The following BCKDHB variants were observed in gnomAD, a reference collection of about 807,000 sequenced individuals.
The protein encoded by BCKDHB is 2-oxoisovalerate dehydrogenase subunit beta, mitochondrial.
BCKDHB carries 41 observed loss-of-function variants against 48.5 expected under a neutral mutation model. The observed-to-expected ratio is 0.85, with a 90% CI of 0.66 to 1.10. The LOEUF is 1.10. Ranked by LOEUF, BCKDHB falls within the 50% of genes least tolerant of loss-of-function variation. The pLI is 0.00. For synonymous variants in BCKDHB, 201 were observed against 174.8 expected, an observed-to-expected ratio of 1.15 and a Z score of -1.18; for missense variants, 496 against 494.2, an observed-to-expected ratio of 1.00 and a Z score of -0.03.
At chr6:80,285,972 A>G (rs1337887322) in intron 9 of BCKDHB, among the ~76,000 whole-genome samples, 1 of 151,964 alleles carries the variant, frequency 6.6e-6, no homozygotes, top group Admixed American at 6.6e-5. Context: ...GTGTGTGTGT[A>G]GTAAGAGATG....
chr6:80,400,752 GACAC>G, the BCKDHB span, among the ~76,000 whole-genome samples: 1 of 152,098 alleles, frequency 6.6e-6, no homozygotes, highest in South Asian at 2.1e-4. Context: ...CTACCGTAAA[GACAC>G]ATGCATGCAT....
chr6:80,230,491 A>G (rs1194992570), intron 8 of BCKDHB, among the ~76,000 whole-genome samples: 6 of 152,208 alleles, frequency 3.9e-5, no homozygotes, highest in African/African-American at 1.2e-4. Flanking sequence ...GGGATTTGAC[A>G]TATGGAACAG....
rs1227661706 is a variant in BCKDHB, at chr6:80,197,490, AT to A, written c.743-3441del. On this transcript the variant is annotated intron_variant, in intron 6 of 9. Transcript: ENST00000320393. ...GAGGCCTTATTATTTGGGGTAATTT[AT>A]TTAAGACAATAGAGCAATTAATTGC... Among the ~76,000 whole-genome samples the A allele has an allele frequency of 1.3e-5, 2 of 152,080 alleles. 1 individual carries two copies. The highest frequency in any genetic ancestry group is 4.1e-4 in the South Asian group (2 of 4,824).
the BCKDHB span, among the ~76,000 whole-genome samples, chr6:80,403,849 C>A: frequency 6.6e-6 from 1 of 151,800 alleles, no homozygotes; most frequent in Non-Finnish European, 1.5e-5. Flanking sequence ...TGTTTCTTAT[C>A]CTTCATTCTG....
chr6:80,365,421 C>G, the BCKDHB span, among the ~76,000 whole-genome samples: 1 of 152,008 alleles, frequency 6.6e-6, no homozygotes, highest in Non-Finnish European at 1.5e-5. Flanking sequence ...GGTCTCCCCC[C>G]AGGAATGCAT....
chr6:80,346,716 A>C (rs1169169145), downstream of BCKDHB, among the ~76,000 whole-genome samples: 2 of 152,230 alleles, frequency 1.3e-5, no homozygotes, highest in African/African-American at 4.8e-5. Flanking sequence ...CAACAGTAGC[A>C]ACAACAGATG....
chr6:80,403,542 C>T, the BCKDHB span, among the ~76,000 whole-genome samples: 3 of 151,880 alleles, frequency 2.0e-5, no homozygotes, highest in Admixed American at 1.3e-4. Context: ...AGTTTCACTT[C>T]TTCTATTCTA....
intron 8 of BCKDHB, among the ~76,000 whole-genome samples, chr6:80,236,391 G>C (rs1331394406): frequency 2.6e-5 from 4 of 152,134 alleles, no homozygotes; most frequent in African/African-American, 7.2e-5. Flanking sequence ...AAAGTCCACT[G>C]TTTGGCTCTG....
At chr6:80,146,873 A>G (rs1222054142) in intron 3 of BCKDHB, among the ~76,000 whole-genome samples, 3 of 152,172 alleles carry the variant, frequency 2.0e-5, no homozygotes, top group Admixed American at 6.5e-5. Flanking sequence ...GAGAGAAGGA[A>G]GGCTGGGAAA....
At chr6:80,414,495 C>A in the BCKDHB span, among the ~76,000 whole-genome samples, 5,615 of 152,110 alleles carry the variant, frequency 0.037, 352 homozygotes, top group African/African-American at 0.13. Flanking sequence ...CAGTTTTAAT[C>A]TTTTGCATAT....
At chr6:80,120,201 G>T (rs1028344367) in intron 1 of BCKDHB, among the ~76,000 whole-genome samples, 27 of 152,072 alleles carry the variant, frequency 1.8e-4, no homozygotes, top group Admixed American at 6.6e-5. Flanking sequence ...TCATCATTTT[G>T]TATGGCTGCA....
In BCKDHB at chr6:80,339,199, A is replaced by G. The variant is rs562838118; in HGVS notation, c.1039-4465A>G. On this transcript the variant is annotated intron_variant, in intron 9 of 9. Transcript: ENST00000320393. ...TGAAAACCTTAATATATGTGTTTTTATGGACACATAATATGTAACATATTA... is the reference window on the plus strand; with the variant it reads ...TGAAAACCTTAATATATGTGTTTTTGTGGACACATAATATGTAACATATTA... 8.6e-4 allele frequency among the ~76,000 whole-genome samples: 131 copies of G among 152,318 alleles called. 1 individual carries two copies. The highest frequency in any genetic ancestry group is 2.9e-3 in the African/African-American group (121 of 41,560).
At chr6:80,442,795 G>A in the BCKDHB span, among the ~76,000 whole-genome samples, 1 of 152,152 alleles carries the variant, frequency 6.6e-6, no homozygotes, top group Non-Finnish European at 1.5e-5. Flanking sequence ...ATTCTAAAAG[G>A]ATATAACTTG....
At position 80,344,358 on chromosome 6, in the gene BCKDHB, T is replaced by G. The variant is rs1329847722; in HGVS notation, c.*554T>G. ...GCATATGTATATGTGATTTTTTTTT[T>G]TTTTTTGAGACCGAGTCTCACTCTG... On this transcript the variant is annotated 3_prime_UTR_variant, in exon 10 of 10. Coordinates refer to ENST00000320393, the MANE Select transcript of BCKDHB (RefSeq NM_183050.4). 6.3e-6 allele frequency: 1 copy of G among 157,842 alleles called. No homozygotes were observed. Among genetic ancestry groups the G allele is most frequent in the Admixed American group, 6.1e-5 (1 of 16,524 alleles). The allele number at this position is 157,842 out of a possible 1,614,324, so 9.8% of individuals were successfully genotyped here.
the BCKDHB span, among the ~76,000 whole-genome samples, chr6:80,452,079 G>A: frequency 6.6e-6 from 1 of 152,194 alleles, no homozygotes; most frequent in Non-Finnish European, 1.5e-5. Context: ...TGAACCCCAG[G>A]TTGCTGGAGT....
rs145198213 is a variant in BCKDHB, at chr6:80,193,112, G to A, written c.743-7822G>A. 2.0e-4 allele frequency among the ~76,000 whole-genome samples: 31 copies of A among 152,004 alleles called. No individual in the cohort carries two copies. In the East Asian group the frequency reaches 5.8e-3, roughly 29 times the overall value. On this transcript the variant is annotated intron_variant, in intron 6 of 9. Coordinates refer to ENST00000320393, the MANE Select transcript of BCKDHB (RefSeq NM_183050.4). Reference sequence around the variant, plus strand: ...GCTGGGATTACAGACATGACCCACTGCACCCAGCAAATATTTGGCAACTAT... The same window carrying A: ...GCTGGGATTACAGACATGACCCACTACACCCAGCAAATATTTGGCAACTAT...
At chr6:80,216,978 G>A (rs1242009851) in intron 8 of BCKDHB, among the ~76,000 whole-genome samples, 1 of 151,936 alleles carries the variant, frequency 6.6e-6, no homozygotes, top group East Asian at 1.9e-4. Context: ...CAGCTATGGT[G>A]GCTCACTCCT....
the BCKDHB span, among the ~76,000 whole-genome samples, chr6:80,465,145 G>A: frequency 1.3e-5 from 2 of 152,150 alleles, no homozygotes; most frequent in Non-Finnish European, 2.9e-5. Context: ...TCCCTGTGGT[G>A]GCATTTCCCC....
rs139941396 is a variant in BCKDHB at position 80,172,608 on chromosome 6, A to G, written c.742+1218A>G. Among the ~76,000 whole-genome samples the G allele has an allele frequency of 1.7e-3, 264 of 152,218 alleles. 1 individual carries two copies. Among genetic ancestry groups the G allele is most frequent in the African/African-American group, 6.0e-3 (250 of 41,562 alleles). On this transcript the variant is annotated intron_variant, in intron 6 of 9. Transcript: ENST00000320393. ...GTTTCTGGAGCCAGCCTGCCAATAAATGCTTCTTGGCTGTGGGGAAAAGAA... is the reference window on the plus strand; with the variant it reads ...GTTTCTGGAGCCAGCCTGCCAATAAGTGCTTCTTGGCTGTGGGGAAAAGAA...
Sources: allele counts gnomAD v4.1 joint callset (sites outside exome capture counted in the v4.1 genomes callset), GRCh38; gene constraint gnomAD v4.1.1; transcripts MANE v1.5; gene names NCBI Gene and HGNC (gene_info 2026-07-23, HGNC 2026-07-21).